Variants in DNAJC13 observed in about 807,000 individuals in gnomAD.
The protein encoded by DNAJC13 is dnaJ homolog subfamily C member 13.
DNAJC13 carries 75 observed loss-of-function variants against 290.5 expected under a neutral mutation model. The observed-to-expected ratio is 0.26, with a 90% CI of 0.21 to 0.31. The LOEUF (loss-of-function observed/expected upper bound fraction) is 0.31, where lower values mean the gene tolerates loss of function less well. DNAJC13 is among the 10% of genes least tolerant of loss of function. The probability of loss-of-function intolerance (pLI) is 1.00; values close to 1 mark genes in which losing one functional copy is unlikely to be tolerated. For missense variants in DNAJC13, 2,260 were observed against 2,674.5 expected, an observed-to-expected ratio of 0.85 and a Z score of 3.42; for synonymous variants, 862 against 892.0, an observed-to-expected ratio of 0.97 and a Z score of 0.60.
chr3:132,483,062 C>T (rs547360911), intron 27 of DNAJC13, among the ~76,000 whole-genome samples: 2 of 152,122 alleles, frequency 1.3e-5, no homozygotes, highest in Non-Finnish European at 2.9e-5. Context: ...TCGAATTGGG[C>T]AAAGATAGTT....
intron 17 of DNAJC13, among the ~76,000 whole-genome samples, chr3:132,464,350 T>C (rs757861088): frequency 6.6e-5 from 10 of 152,222 alleles, no homozygotes; most frequent in Admixed American, 1.3e-4. Flanking sequence ...TATTCACTTA[T>C]TCCACACTAC....
chr3:132,522,056 C>T (rs534869533), intron 48 of DNAJC13, among the ~76,000 whole-genome samples: 2 of 152,236 alleles, frequency 1.3e-5, no homozygotes, highest in Admixed American at 1.3e-4. Flanking sequence ...GTGCTGACTT[C>T]ATATTAGTCT....
chr3:132,452,577 A>G (rs1933450424), intron 6 of DNAJC13, among the ~76,000 whole-genome samples: 1 of 152,160 alleles, frequency 6.6e-6, no homozygotes. Context: ...GAGCATACCA[A>G]ATCTGGAAGT....
At chr3:132,533,006 A>C (rs1936465761) in intron 55 of DNAJC13, among the ~76,000 whole-genome samples, 1 of 143,990 alleles carries the variant, frequency 6.9e-6, no homozygotes, top group African/African-American at 2.6e-5. Context: ...TGATCCACCC[A>C]CCTCGGCCTC....
intron 21 of DNAJC13, among the ~76,000 whole-genome samples, 189 bp from the exon 22 acceptor site, chr3:132,474,743 T>TGTCATTA (rs1394725718): frequency 2.6e-4 from 39 of 151,806 alleles, no homozygotes; most frequent in Non-Finnish European, 1.2e-4. Context: ...ACCAAGATTC[T>TGTCATTA]GTCATTAATG....
intron 22 of DNAJC13, among the ~76,000 whole-genome samples, chr3:132,477,223 T>G (rs1406623141): frequency 6.6e-6 from 1 of 152,252 alleles, no homozygotes; most frequent in Non-Finnish European, 1.5e-5. Flanking sequence ...GAATTCCTTT[T>G]TATAATTGCC....
intron 55 of DNAJC13, among the ~76,000 whole-genome samples, chr3:132,535,714 T>C (rs961794763): frequency 2.6e-5 from 4 of 152,208 alleles, no homozygotes; most frequent in African/African-American, 9.7e-5. Context: ...CTGTAAATTT[T>C]CCATCTTTTC....
chr3:132,472,576 G>C, intron 20 of DNAJC13: 5 of 985,340 alleles, frequency 5.1e-6, no homozygotes, highest in Non-Finnish European at 6.0e-6. Flanking sequence ...AATATGGTGA[G>C]TGTAAGTTCC....
intron 55 of DNAJC13, among the ~76,000 whole-genome samples, chr3:132,532,727 GC>G (rs1165945267): frequency 1.3e-5 from 2 of 150,104 alleles, no homozygotes; most frequent in Admixed American, 1.3e-4. Context: ...AAAAAAATCT[GC>G]CTTATTTTTA....
chr3:132,506,711 C>A (rs542127627), intron 42 of DNAJC13, among the ~76,000 whole-genome samples: 1 of 151,926 alleles, frequency 6.6e-6, no homozygotes, highest in South Asian at 2.1e-4. Flanking sequence ...ATCACCACGC[C>A]CAGCCACTTT....
At chr3:132,469,741 T>G (rs986762616) in intron 20 of DNAJC13, among the ~76,000 whole-genome samples, 1 of 152,044 alleles carries the variant, frequency 6.6e-6, no homozygotes, top group Non-Finnish European at 1.5e-5. Flanking sequence ...AAACATTTTC[T>G]TATATAACTT....
In DNAJC13 at chr3:132,533,600, C is replaced by G. The variant is rs578075467; in HGVS notation, c.6625+2503C>G. Among the ~76,000 whole-genome samples the G allele has an allele frequency of 2.2e-4, 33 of 152,094 alleles. No homozygotes were observed. In the South Asian group the frequency reaches 6.9e-3, roughly 32 times the overall value. ...ATCCACCCGCCTCAAATGATCCACC[C>G]GCCTGGTACTCCCAAAGTCCTGGGA... On this transcript the variant is annotated intron_variant, in intron 55 of 55. Coordinates refer to ENST00000260818, the MANE Select transcript of DNAJC13 (RefSeq NM_015268.4).
chr3:132,480,273 T>G, intron 25 of DNAJC13, 96 bp from the exon 26 acceptor site: 1 of 661,640 alleles, frequency 1.5e-6, no homozygotes, highest in Non-Finnish European at 2.6e-6. Context: ...TCGAGGACCT[T>G]GTAGGTGGTA....
At chr3:132,454,307 ATTT>A in intron 9 of DNAJC13, 150 bp downstream of exon 9, 1 of 443,622 alleles carries the variant, frequency 2.3e-6, no homozygotes, top group Non-Finnish European at 3.8e-6. Flanking sequence ...TGACCCTCCC[ATTT>A]TCAATTTTTT....
intron 48 of DNAJC13, among the ~76,000 whole-genome samples, chr3:132,518,573 T>A (rs1371493060): frequency 6.6e-6 from 1 of 152,150 alleles, no homozygotes; most frequent in Admixed American, 6.6e-5. Context: ...CCCAGGCTGG[T>A]CTCAAACTCC....
At position 132,473,189 on chromosome 3, in the gene DNAJC13, A is replaced by T; in HGVS notation, c.2253A>T (p.Arg751Ser). The T allele has an allele frequency of 1.1e-5, 17 of 1,611,262 alleles. No homozygotes were observed. Among genetic ancestry groups the T allele is most frequent in the Non-Finnish European group, 1.4e-5 (17 of 1,179,022 alleles). The change falls in exon 21 of 56, where the codon AGA becomes AGT. Residue 751 changes from arginine (R) to serine (S), a missense_variant. Physicochemically the swap from Arg to Ser is moderately radical, Grantham distance 110 (BLOSUM62 -1). Transcript: ENST00000260818. ...KPVVLRKRRQRIKIEANWDLF... is the reference protein window; with the variant it reads ...KPVVLRKRRQSIKIEANWDLF... ...TGGTTCTTCGAAAGAGAAGACAAAG[A>T]ATAAAAATAGAAGCAAATTGGGATC...
intron 20 of DNAJC13, among the ~76,000 whole-genome samples, chr3:132,467,657 G>A (rs1344180240): frequency 6.6e-6 from 1 of 151,954 alleles, no homozygotes; most frequent in Non-Finnish European, 1.5e-5. Context: ...AGTAGAGATG[G>A]GGTTTCACCG....
chr3:132,469,915 G>A (rs1559883062), intron 20 of DNAJC13, among the ~76,000 whole-genome samples: 2 of 125,362 alleles, frequency 1.6e-5, no homozygotes, highest in African/African-American at 2.8e-5. Context: ...GAGGATTAGA[G>A]TTTTCATATC....
At chr3:132,485,552 A>G (rs1576492257) in intron 29 of DNAJC13, among the ~76,000 whole-genome samples, 2 of 152,208 alleles carry the variant, frequency 1.3e-5, no homozygotes, top group African/African-American at 4.8e-5. Context: ...CCTATTTTTA[A>G]AATCACACCA....
Sources: gnomAD v4.1 joint callset for allele counts (sites outside exome capture counted in the v4.1 genomes callset) on GRCh38, gnomAD v4.1.1 for gene constraint, MANE v1.5 for transcripts, NCBI Gene and HGNC (gene_info 2026-07-23, HGNC 2026-07-21) for gene names.